EBF3: variants seen among roughly 807,000 people sequenced by gnomAD.
EBF3 encodes EBF transcription factor 3.
A neutral mutation model predicts 77.1 loss-of-function variants in EBF3; 18 were observed. The ratio of observed to expected loss-of-function variants is 0.23; its 90% CI spans 0.16 to 0.35. The LOEUF (loss-of-function observed/expected upper bound fraction) is 0.35. Among genes scored for constraint, EBF3 ranks in the 10% least tolerant of loss-of-function variants. The probability of loss-of-function intolerance (pLI) is 1.00; values close to 1 mark genes in which losing one functional copy is unlikely to be tolerated. For missense variants in EBF3, 558 were observed against 860.0 expected (o/e 0.65, Z 4.39); for synonymous variants, 350 against 343.5 (o/e 1.02, Z -0.21).
intron 6 of EBF3, among the ~76,000 whole-genome samples, chr10:129,880,589 A>T (rs1006148236): frequency 1.3e-5 from 2 of 152,146 alleles, no homozygotes; most frequent in Non-Finnish European, 2.9e-5. Flanking sequence ...TTCTATCCAA[A>T]CTGCCTAAAG....
At chr10:129,939,961 C>G (rs1857616876) in intron 6 of EBF3, among the ~76,000 whole-genome samples, 1 of 152,334 alleles carries the variant, frequency 6.6e-6, no homozygotes, top group African/African-American at 2.4e-5. Context: ...GGCCCACGTC[C>G]CCCTCTAGAG....
chr10:129,842,136 G>A lies in EBF3; in HGVS notation c.1352C>T (p.Thr451Met), dbSNP rs771970438. ...CATACCTTGGTCGTTGGCTTGTGACGTCTCTGACACGTTGACGGCTAGCTG... is the reference window on the plus strand; with the variant it reads ...CATACCTTGGTCGTTGGCTTGTGACATCTCTGACACGTTGACGGCTAGCTG... ...SSQLAVNVSE[T>M]SQANDQVGYS... Residue 451 changes from threonine (T) to methionine (M), a missense_variant, in exon 13 of 17, where the codon ACG becomes ATG. Physicochemically the swap from Thr to Met is moderately conservative, Grantham distance 81. This residue lies in a region of EBF3 where 284 missense variants were observed against 368.3 expected (regional missense o/e 0.77). Transcript: ENST00000440978. The surrounding 1 kb of genome is among the most constrained non-coding windows in gnomAD (Gnocchi z 4.4). 5.6e-6 allele frequency: 9 copies of A among 1,614,112 alleles called. No homozygotes were observed. Among genetic ancestry groups the A allele is most frequent in the East Asian group, 4.5e-5 (2 of 44,872 alleles).
At chr10:129,926,534 C>T (rs1856682763) in intron 6 of EBF3, among the ~76,000 whole-genome samples, 1 of 152,272 alleles carries the variant, frequency 6.6e-6, no homozygotes, top group South Asian at 2.1e-4. Context: ...CCTCGTGTCA[C>T]CCCAAAGCTC....
chr10:129,904,473 GAAGA>G (rs1854995578), intron 6 of EBF3, among the ~76,000 whole-genome samples: 1 of 151,952 alleles, frequency 6.6e-6, no homozygotes, highest in South Asian at 2.1e-4. Context: ...CAGACAAATG[GAAGA>G]TAGATGGGCA....
rs1186931279 is a variant in EBF3 at position 129,848,264 on chromosome 10, C to A, written c.1128+128G>T. On this transcript the variant is annotated intron_variant, in intron 11 of 16. Coordinates refer to ENST00000440978, the MANE Select transcript of EBF3 (RefSeq NM_001375380.1). The surrounding 1 kb of genome is among the most constrained non-coding windows in gnomAD (Gnocchi z 4.4). ...CCGGGCAGCTCCTCACACCTGTCGGCCCTGTGGTGGGCACAGAGTTTGGGG... is the reference window on the plus strand; with the variant it reads ...CCGGGCAGCTCCTCACACCTGTCGGACCTGTGGTGGGCACAGAGTTTGGGG... The A allele has an allele frequency of 1.6e-5, 16 of 993,136 alleles. No individual in the cohort carries two copies. In the East Asian group the frequency reaches 3.9e-4, roughly 24 times the overall value. 61.5% of individuals were successfully genotyped at this position (993,136 alleles called of 1,614,324 possible).
rs185983720 is a variant in EBF3, at chr10:129,850,091, T to C, written c.1040-1611A>G. 9.0e-4 allele frequency among the ~76,000 whole-genome samples: 137 copies of C among 152,354 alleles called. 1 individual carries two copies. The highest frequency in any genetic ancestry group is 2.9e-3 in the African/African-American group (122 of 41,578). On this transcript the variant is annotated intron_variant, in intron 10 of 16. Coordinates refer to ENST00000440978, the MANE Select transcript of EBF3 (RefSeq NM_001375380.1). ...GCGACTTGGTCCAAAAAGGATTAGA[T>C]AAAGTATTACCTTTCCTGAACAGGG...
At position 129,841,109 on chromosome 10, in the gene EBF3, T is replaced by G. The variant is rs1850022010; in HGVS notation, c.1373-77A>C. The G allele has an allele frequency of 1.3e-6, 2 of 1,546,406 alleles. No homozygotes were observed. The highest frequency in any genetic ancestry group is 2.4e-4 in the Middle Eastern group (1 of 4,216). The stretch of plus-strand genomic sequence containing the variant: ...ACTTGGGGGGGGTTCCCCGAGAATC[T>G]ATATCATATATTAACATTGCTAATT... On this transcript the variant is annotated intron_variant, in intron 13 of 16. Transcript: ENST00000440978. The surrounding 1 kb of genome is among the most constrained non-coding windows in gnomAD (Gnocchi z 4.6).
chr10:129,903,661 A>G (rs4751143), intron 6 of EBF3, among the ~76,000 whole-genome samples: 64,306 of 152,044 alleles, frequency 0.42, 14,247 homozygotes, highest in Admixed American at 0.49. Context: ...CAGAATCAGG[A>G]GTGGGGACAT....
chr10:129,958,960 C>G lies in EBF3; in HGVS notation c.459G>C (p.Val153=), dbSNP rs1859260375. The G allele has an allele frequency of 1.9e-6, 3 of 1,601,128 alleles. No individual in the cohort carries two copies. The highest frequency in any genetic ancestry group is 1.7e-6 in the Non-Finnish European group (2 of 1,175,068). ...TGCACATGATCTCGTGGGTCAGCAG[C>G]ACACGGCACATCTCCGGGTTCTTGT... ...GQDKNPEMCR[V]LLTHEIMCSR... Residue 153 remains valine, a synonymous_variant, in exon 5 of 17, where the codon GTG becomes GTC. Transcript: ENST00000440978.
At position 129,921,686 on chromosome 10, in the gene EBF3, G is replaced by A. The variant is rs115357817; in HGVS notation, c.554+35572C>T. 5.6e-3 allele frequency among the ~76,000 whole-genome samples: 850 copies of A among 152,320 alleles called. 9 individuals carry two copies. The highest frequency in any genetic ancestry group is 0.019 in the African/African-American group (782 of 41,570). On this transcript the variant is annotated intron_variant, in intron 6 of 16. Transcript: ENST00000440978. ...TGCGTGAAGAACTGCTGCCCGTCCTGAGCACCTGGCCTGAAGAGAGGACCC... is the reference window on the plus strand; with the variant it reads ...TGCGTGAAGAACTGCTGCCCGTCCTAAGCACCTGGCCTGAAGAGAGGACCC...
chr10:129,858,448 C>T (rs1851404552), intron 10 of EBF3, among the ~76,000 whole-genome samples: 1 of 152,196 alleles, frequency 6.6e-6, no homozygotes, highest in Non-Finnish European at 1.5e-5. Flanking sequence ...TTTGGAAGCT[C>T]AGTGCCCACA....
At position 129,876,885 on chromosome 10, in the gene EBF3, A is replaced by ACCCCCCCCCCCCCCCCCCCCCC. The variant is rs10573399; in HGVS notation, c.636+882_636+883insGGGGGGGGGGGGGGGGGGGGGG. On this transcript the variant is annotated intron_variant, in intron 7 of 16. Coordinates refer to ENST00000440978, the MANE Select transcript of EBF3 (RefSeq NM_001375380.1). ...TAAATCTATCATAATTCATCCCTGA[A>ACCCCCCCCCCCCCCCCCCCCCC]CCCCCCCCCCCCCCCCACCCAGCTA... 6.8e-4 allele frequency among the ~76,000 whole-genome samples: 29 copies of ACCCCCCCCCCCCCCCCCCCCCC among 42,398 alleles called. 1 individual carries two copies. Among genetic ancestry groups the ACCCCCCCCCCCCCCCCCCCCCC allele is most frequent in the Admixed American group, 1.2e-3 (3 of 2,562 alleles). The allele number at this position is 42,398 out of a possible 152,430, so 27.8% of individuals were successfully genotyped here.
At chr10:129,950,131 C>G (rs1858560811) in intron 6 of EBF3, among the ~76,000 whole-genome samples, 1 of 152,092 alleles carries the variant, frequency 6.6e-6, no homozygotes, top group Non-Finnish European at 1.5e-5. Flanking sequence ...CGTCTTCCAG[C>G]AGAGACACGC....
Position 129,871,180 on chromosome 10 carries a change from G to A in EBF3, c.781+2272C>T, listed in dbSNP as rs115913434. Among the ~76,000 whole-genome samples, 425 of 152,330 alleles carry A rather than the reference G, an allele frequency of 2.8e-3. 2 individuals carry two copies. The highest frequency in any genetic ancestry group is 3.9e-3 in the Non-Finnish European group (268 of 68,036). On this transcript the variant is annotated intron_variant, in intron 8 of 16. Transcript: ENST00000440978. ...GCAAATCGCTTCTGTGCTGCAGGCC[G>A]GGTGCTGGGCAGGGCTCGCGGAAGG...
chr10:129,930,031 G>A (rs72837171), intron 6 of EBF3, among the ~76,000 whole-genome samples: 1 of 152,210 alleles, frequency 6.6e-6, no homozygotes, highest in Non-Finnish European at 1.5e-5. Flanking sequence ...AAAGGTGAGT[G>A]TCTCCCTCTG....
At chr10:129,852,645 C>G (rs929957157) in intron 10 of EBF3, among the ~76,000 whole-genome samples, 1 of 152,152 alleles carries the variant, frequency 6.6e-6, no homozygotes, top group Non-Finnish European at 1.5e-5. Flanking sequence ...AGTCCGTTAA[C>G]TTATAAACGT....
chr10:129,878,838 A>AG (rs1377977682), intron 6 of EBF3, among the ~76,000 whole-genome samples: 1 of 150,474 alleles, frequency 6.6e-6, no homozygotes, highest in Non-Finnish European at 1.5e-5. Context: ...AAAAAAAAAA[A>AG]AAAAAAAATC....
intron 10 of EBF3, among the ~76,000 whole-genome samples, chr10:129,849,442 A>G (rs1415415994): frequency 1.3e-5 from 2 of 152,250 alleles, no homozygotes; most frequent in Non-Finnish European, 2.9e-5. Context: ...AATTTGGGCC[A>G]TCACTCATTA....
intron 6 of EBF3, among the ~76,000 whole-genome samples, chr10:129,924,738 C>T (rs1165292766): frequency 3.9e-5 from 6 of 152,186 alleles, no homozygotes; most frequent in Admixed American, 6.5e-5. Context: ...ATGATCATGG[C>T]TCACTGTAGC....
Sources: allele counts gnomAD v4.1 joint callset (sites outside exome capture counted in the v4.1 genomes callset), GRCh38; gene constraint gnomAD v4.1.1; regional missense constraint gnomAD v4.1.1; non-coding constraint Gnocchi (gnomAD v3.1); transcripts MANE v1.5; gene names NCBI Gene and HGNC (gene_info 2026-07-23, HGNC 2026-07-21).